Variants in PPP1R37 observed in about 807,000 individuals in gnomAD.
PPP1R37 encodes protein phosphatase 1 regulatory subunit 37.
In PPP1R37, 21 loss-of-function variants were observed where a neutral mutation model predicts 61.0. The observed-to-expected ratio is 0.34, with a 90% confidence interval of 0.24 to 0.50. PPP1R37 has a LOEUF of 0.50. Ranked by LOEUF, PPP1R37 falls within the 20% of genes least tolerant of loss-of-function variation. The pLI is 0.98. For missense variants in PPP1R37, 910 were observed against 952.7 expected (o/e 0.96, Z 0.59); for synonymous variants, 443 against 433.5 (o/e 1.02, Z -0.27).
At chr19:45,127,352 C>CAAAAAAA (rs11295552) in intron 1 of PPP1R37, among the ~76,000 whole-genome samples, 8 of 69,658 alleles carry the variant, frequency 1.1e-4, no homozygotes, top group Admixed American at 1.6e-4. Flanking sequence ...AACTCCATCT[C>CAAAAAAA]AAAAAAAAAA....
rs1431044751 is a variant in PPP1R37, at chr19:45,127,370, A to C, written c.203-11144A>C. 9.4e-5 allele frequency among the ~76,000 whole-genome samples: 14 copies of C among 148,608 alleles called. No individual in the cohort carries two copies. The East Asian group carries it at 1.4e-3, about 14-fold the overall frequency. On this transcript the variant is annotated intron_variant, in intron 1 of 12. Coordinates refer to ENST00000221462, the MANE Select transcript of PPP1R37 (RefSeq NM_019121.2). ...TCCATCTCAAAAAAAAAAAAAAAAA[A>C]AAAAAACCCTAGGTGGCATGCCTAC...
At chr19:45,105,060 T>C (rs958165967) in intron 1 of PPP1R37, among the ~76,000 whole-genome samples, 6 of 152,182 alleles carry the variant, frequency 3.9e-5, no homozygotes, top group African/African-American at 1.2e-4. Context: ...TGCCACTGTA[T>C]TCCCCAGTGC....
chr19:45,142,463 G>A lies in PPP1R37; in HGVS notation c.874+5G>A. The A allele has an allele frequency of 6.5e-7, 1 of 1,535,870 alleles. No homozygotes were observed. The highest frequency in any genetic ancestry group is 8.7e-7 in the Non-Finnish European group (1 of 1,146,780). On this transcript the variant is annotated splice_donor_5th_base_variant and intron_variant, in intron 7 of 12. Transcript: ENST00000221462. Reference sequence around the variant, plus strand: ...ACAACCACGTGCTAGACTCGGGTGGGTGCAGTGGCCCACCCCACCCACACC... The same window carrying A: ...ACAACCACGTGCTAGACTCGGGTGGATGCAGTGGCCCACCCCACCCACACC...
chr19:45,111,228 C>G (rs1031128397), intron 1 of PPP1R37, among the ~76,000 whole-genome samples: 2 of 151,840 alleles, frequency 1.3e-5, no homozygotes. Context: ...CTGTCTGTTG[C>G]AACACTCTTC....
intron 1 of PPP1R37, among the ~76,000 whole-genome samples, chr19:45,125,988 C>A (rs1968399538): frequency 6.6e-6 from 1 of 152,180 alleles, no homozygotes; most frequent in African/African-American, 2.4e-5. Context: ...TGGACCACAC[C>A]CCCTGTGCCC....
chr19:45,093,682 G>T (rs374275703), intron 1 of PPP1R37, among the ~76,000 whole-genome samples, 155 bp downstream of exon 1: 2 of 152,314 alleles, frequency 1.3e-5, no homozygotes, highest in African/African-American at 4.8e-5. Context: ...CTGTTAGAAA[G>T]GGGGTGGCTA....
intron 1 of PPP1R37, among the ~76,000 whole-genome samples, chr19:45,123,412 A>G (rs879495220): frequency 5.3e-5 from 8 of 152,178 alleles, no homozygotes; most frequent in East Asian, 1.9e-4. Context: ...TGGAAACCCA[A>G]CAGAGAAAGA....
chr19:45,144,925 C>G lies in PPP1R37; in HGVS notation c.1059C>G (p.Leu353=), dbSNP rs1405823045. 1 of 1,535,758 alleles carries G rather than the reference C, an allele frequency of 6.5e-7. No individual in the cohort carries two copies. Among genetic ancestry groups the G allele is most frequent in the Non-Finnish European group, 8.7e-7 (1 of 1,146,728 alleles). Residue 353 remains leucine, a synonymous_variant, in exon 9 of 13, where the codon CTC becomes CTG. Transcript: ENST00000221462. The part of the protein sequence containing the change: ...NPIGNEGVRH[L]KNGLISNRSV... ...TCGGGAACGAGGGTGTGCGGCACCT[C>G]AAGAACGGGCTCATCAGCAACCGCA...
rs1292583989 is a variant in PPP1R37, at chr19:45,140,236, GAA to G, written c.302_303del (p.Glu101ValfsTer16). On this transcript the variant is annotated frameshift_variant and splice_region_variant, in exon 3 of 13. Coordinates refer to ENST00000221462, the MANE Select transcript of PPP1R37 (RefSeq NM_019121.2). LOFTEE classifies it high-confidence loss of function. ...QIPKLLRQLQ[E>X]FTDLGHRLDC... is the part of the protein sequence containing the mutation. Reference sequence around the variant, plus strand: ...CCTTAACCCCACTCTACTTTCTCAGGAATTCACAGACCTCGGGCACCGCCTCG... The same window carrying G: ...CCTTAACCCCACTCTACTTTCTCAGGTTCACAGACCTCGGGCACCGCCTCG... 6.5e-7 allele frequency: 1 copy of G among 1,536,040 alleles called. No individual in the cohort carries two copies. The highest frequency in any genetic ancestry group is 8.7e-7 in the Non-Finnish European group (1 of 1,146,802).
At chr19:45,098,851 C>G (rs186322064) in intron 1 of PPP1R37, among the ~76,000 whole-genome samples, 1 of 152,026 alleles carries the variant, frequency 6.6e-6, no homozygotes, top group Non-Finnish European at 1.5e-5. Context: ...AGGGTCGAGG[C>G]GGGTGCTTTG....
At chr19:45,106,526 G>C (rs947459480) in intron 1 of PPP1R37, among the ~76,000 whole-genome samples, 2 of 151,910 alleles carry the variant, frequency 1.3e-5, no homozygotes, top group African/African-American at 4.8e-5. Context: ...TTACAGGCGT[G>C]AGCCGCCGCG....
chr19:45,113,645 T>A (rs1426634431), intron 1 of PPP1R37, among the ~76,000 whole-genome samples: 1 of 152,218 alleles, frequency 6.6e-6, no homozygotes, highest in Non-Finnish European at 1.5e-5. Flanking sequence ...GGAACAGAGT[T>A]ACTTGGCCCC....
chr19:45,113,511 G>C (rs750556436), intron 1 of PPP1R37, among the ~76,000 whole-genome samples: 4 of 152,224 alleles, frequency 2.6e-5, no homozygotes, highest in Non-Finnish European at 4.4e-5. Flanking sequence ...ACTCCTGGCA[G>C]CCAGAGCCCA....
intron 1 of PPP1R37, among the ~76,000 whole-genome samples, chr19:45,126,974 AT>A (rs1968413430): frequency 6.6e-6 from 1 of 152,208 alleles, no homozygotes; most frequent in South Asian, 2.1e-4. Flanking sequence ...ATACGGTCCT[AT>A]ATCACTTAAT....
At chr19:45,105,667 A>T (rs1218586371) in intron 1 of PPP1R37, among the ~76,000 whole-genome samples, 1 of 152,014 alleles carries the variant, frequency 6.6e-6, no homozygotes, top group African/African-American at 2.4e-5. Flanking sequence ...CCCTTCTGTC[A>T]CGGGCTTGGG....
chr19:45,112,759 C>T (rs1030354183), intron 1 of PPP1R37, among the ~76,000 whole-genome samples: 2 of 152,202 alleles, frequency 1.3e-5, no homozygotes, highest in African/African-American at 2.4e-5. Flanking sequence ...TGGACAGAGA[C>T]CAGGATTAGG....
intron 1 of PPP1R37, among the ~76,000 whole-genome samples, chr19:45,123,504 A>G (rs1968365748): frequency 6.6e-6 from 1 of 152,208 alleles, no homozygotes; most frequent in Admixed American, 6.5e-5. Flanking sequence ...TCCGGTTTGA[A>G]GCCGGGGCCT....
chr19:45,111,001 C>T (rs972480226), intron 1 of PPP1R37, among the ~76,000 whole-genome samples: 6 of 152,108 alleles, frequency 3.9e-5, no homozygotes, highest in African/African-American at 1.2e-4. Flanking sequence ...CGAGCCTGGC[C>T]CTGTCACCTA....
chr19:45,112,317 G>C (rs1968212069), intron 1 of PPP1R37, among the ~76,000 whole-genome samples: 1 of 152,232 alleles, frequency 6.6e-6, no homozygotes, highest in African/African-American at 2.4e-5. Context: ...ATTACCTTCT[G>C]ATACATTTCA....
Sources: allele counts gnomAD v4.1 joint callset (sites outside exome capture counted in the v4.1 genomes callset), GRCh38; gene constraint gnomAD v4.1.1; transcripts MANE v1.5; gene names NCBI Gene and HGNC (gene_info 2026-07-23, HGNC 2026-07-21).